Variants in GPR158 observed in about 807,000 individuals in gnomAD.
The protein encoded by GPR158 is G protein-coupled receptor 158.
GPR158 carries 30 observed loss-of-function variants against 78.2 expected under a neutral mutation model. The ratio of observed to expected loss-of-function variants is 0.38; its 90% CI spans 0.29 to 0.52. The LOEUF is 0.52. GPR158 is among the 20% of genes least tolerant of loss of function. The pLI is 0.83. For missense variants in GPR158, 1,463 were observed against 1,523.5 expected, an observed-to-expected ratio of 0.96 and a Z score of 0.66; for synonymous variants, 581 against 591.1, an observed-to-expected ratio of 0.98 and a Z score of 0.25.
At chr10:25,202,514 C>T (rs1456884034) in intron 1 of GPR158, among the ~76,000 whole-genome samples, 1 of 152,164 alleles carries the variant, frequency 6.6e-6, no homozygotes, top group East Asian at 1.9e-4. Context: ...TTTGGTTTTT[C>T]TGTCCTTGTG....
At chr10:25,424,617 C>T (rs1358815125) in intron 4 of GPR158, among the ~76,000 whole-genome samples, 1 of 151,604 alleles carries the variant, frequency 6.6e-6, no homozygotes, top group East Asian at 1.9e-4. Flanking sequence ...GCCAGTTTTC[C>T]CAGCACCTTT....
intron 4 of GPR158, among the ~76,000 whole-genome samples, chr10:25,434,528 G>A (rs867488476): frequency 7.2e-5 from 11 of 152,162 alleles, no homozygotes; most frequent in Middle Eastern, 3.4e-3. Flanking sequence ...ATAAGCAAAG[G>A]ACTTTGCACA....
chr10:25,333,061 A>T (rs1431829890), intron 2 of GPR158, among the ~76,000 whole-genome samples: 1 of 152,088 alleles, frequency 6.6e-6, no homozygotes, highest in Non-Finnish European at 1.5e-5. Context: ...CTTTCTTGGG[A>T]TTCACAGGAT....
At chr10:25,415,156 A>C (rs572460581) in intron 4 of GPR158, among the ~76,000 whole-genome samples, 1 of 152,144 alleles carries the variant, frequency 6.6e-6, no homozygotes, top group Non-Finnish European at 1.5e-5. Context: ...AGAAGCATAC[A>C]TGACAAAAGT....
At chr10:25,231,713 A>G (rs1156894525) in intron 2 of GPR158, among the ~76,000 whole-genome samples, 1 of 152,226 alleles carries the variant, frequency 6.6e-6, no homozygotes, top group East Asian at 1.9e-4. Context: ...ACAAATCGGA[A>G]TGTGGGAATA....
chr10:25,285,066 T>TTGTGTGTGTG (rs149094801), intron 2 of GPR158, among the ~76,000 whole-genome samples: 1,955 of 149,134 alleles, frequency 0.013, 19 homozygotes, highest in Admixed American at 0.028. Flanking sequence ...GTTCTATTCA[T>TTGTGTGTGTG]TGTGTGTGTG....
At chr10:25,224,544 A>T (rs1853347049) in intron 2 of GPR158, among the ~76,000 whole-genome samples, 1 of 151,880 alleles carries the variant, frequency 6.6e-6, no homozygotes, top group African/African-American at 2.4e-5. Flanking sequence ...ATTGATTCAT[A>T]ATTCTATAAA....
rs151011132 is a variant in GPR158, at chr10:25,288,286, A to C, written c.1008+67129A>C. ...GCTTTATCACTTCCCAAATAAAAGT[A>C]TAAAAGGGTGATTAATCAGGGTACT... On this transcript the variant is annotated intron_variant, in intron 2 of 10. Transcript: ENST00000376351. Among the ~76,000 whole-genome samples, 183 of 152,338 alleles carry C rather than the reference A, an allele frequency of 1.2e-3. 1 individual carries two copies. The highest frequency in any genetic ancestry group is 4.2e-3 in the African/African-American group (174 of 41,594).
At chr10:25,274,528 C>G (rs1854157866) in intron 2 of GPR158, among the ~76,000 whole-genome samples, 1 of 152,098 alleles carries the variant, frequency 6.6e-6, no homozygotes, top group African/African-American at 2.4e-5. Flanking sequence ...ATCCTCAGTG[C>G]TAAATACATA....
At chr10:25,308,350 G>A (rs564436449) in intron 2 of GPR158, among the ~76,000 whole-genome samples, 36 of 151,868 alleles carry the variant, frequency 2.4e-4, no homozygotes, top group Non-Finnish European at 4.7e-4. Context: ...CCCTCCCTGT[G>A]TCCATGTGTT....
At chr10:25,342,245 A>AT (rs35373506) in intron 2 of GPR158, among the ~76,000 whole-genome samples, 134 of 149,386 alleles carry the variant, frequency 9.0e-4, no homozygotes, top group South Asian at 2.3e-3. Flanking sequence ...GAACTGTTTT[A>AT]TTTTTTTTTT....
At chr10:25,303,296 C>G (rs916070111) in intron 2 of GPR158, among the ~76,000 whole-genome samples, 5 of 152,192 alleles carry the variant, frequency 3.3e-5, no homozygotes, top group African/African-American at 1.2e-4. Context: ...TGGCTTTTGG[C>G]TACTGTATTG....
rs141541938 is a variant in GPR158 at position 25,458,213 on chromosome 10, G to A, written c.1336-8438G>A. ...TGGGCTTTCTTATGAAGTCTTAGAA[G>A]TTAGAAAGAATACCTACTTAAGGCA... On this transcript the variant is annotated intron_variant, in intron 4 of 10. Coordinates refer to ENST00000376351, the MANE Select transcript of GPR158 (RefSeq NM_020752.3). Among the ~76,000 whole-genome samples the A allele has an allele frequency of 3.2e-3, 481 of 152,148 alleles. 3 individuals are homozygous for A. Among genetic ancestry groups the A allele is most frequent in the Non-Finnish European group, 5.2e-3 (353 of 67,922 alleles).
chr10:25,518,358 G>T (rs994396518), intron 5 of GPR158, among the ~76,000 whole-genome samples: 11 of 86,874 alleles, frequency 1.3e-4, no homozygotes, highest in African/African-American at 6.0e-4. Flanking sequence ...AGGGTTTTTT[G>T]TGTCTCTATT....
At chr10:25,365,513 A>T (rs1292864155) in intron 2 of GPR158, among the ~76,000 whole-genome samples, 1 of 151,744 alleles carries the variant, frequency 6.6e-6, no homozygotes, top group Non-Finnish European at 1.5e-5. Context: ...TGGTGCATGC[A>T]AACACATTCT....
intron 4 of GPR158, among the ~76,000 whole-genome samples, chr10:25,437,495 G>A (rs2130584441): frequency 6.6e-6 from 1 of 152,266 alleles, no homozygotes; most frequent in Middle Eastern, 3.4e-3. Context: ...CAAATTGCTG[G>A]GATTACAGGC....
chr10:25,327,181 A>G (rs1379005322), intron 2 of GPR158, among the ~76,000 whole-genome samples: 1 of 152,092 alleles, frequency 6.6e-6, no homozygotes, highest in Non-Finnish European at 1.5e-5. Flanking sequence ...ACGCGCAAGA[A>G]GTGTGAAATG....
At chr10:25,205,988 C>CTT (rs34835235) in intron 1 of GPR158, among the ~76,000 whole-genome samples, 2 of 135,528 alleles carry the variant, frequency 1.5e-5, no homozygotes. Context: ...GTGGGTCCCT[C>CTT]TTTTTTTTTT....
chr10:25,417,411 T>C (rs1408319373), intron 4 of GPR158, among the ~76,000 whole-genome samples: 1 of 152,140 alleles, frequency 6.6e-6, no homozygotes, highest in Non-Finnish European at 1.5e-5. Context: ...ATGACTGTGG[T>C]AGACACACAT....
Sources: allele counts gnomAD v4.1 joint callset (sites outside exome capture counted in the v4.1 genomes callset), GRCh38; gene constraint gnomAD v4.1.1; transcripts MANE v1.5; gene names NCBI Gene and HGNC (gene_info 2026-07-23, HGNC 2026-07-21).